ACSM3: variants seen among roughly 807,000 people sequenced by gnomAD.
ACSM3 encodes the protein acyl-coenzyme A synthetase ACSM3, mitochondrial.
A neutral mutation model predicts 74.1 loss-of-function variants in ACSM3; 61 were observed. The observed-to-expected ratio is 0.82, with a 90% CI of 0.67 to 1.02. The LOEUF (loss-of-function observed/expected upper bound fraction) is 1.02, where lower values mean the gene tolerates loss of function less well. Among genes scored for constraint, ACSM3 ranks in the 50% least tolerant of loss-of-function variants. The probability of loss-of-function intolerance (pLI) is 0.00; values close to 1 mark genes in which losing one functional copy is unlikely to be tolerated. For missense variants in ACSM3, 660 were observed against 697.0 expected, an observed-to-expected ratio of 0.95 and a Z score of 0.60; for synonymous variants, 213 against 241.5, an observed-to-expected ratio of 0.88 and a Z score of 1.09.
chr16:20,685,522 A>G, intron 1 of ACSM3: 1 of 925,538 alleles, frequency 1.1e-6, no homozygotes, highest in South Asian at 1.5e-5. Context: ...CTGAGATCCC[A>G]TTTTAAAACA....
At chr16:20,740,883 T>G (rs11863679) in intron 1 of ACSM3, among the ~76,000 whole-genome samples, 7,321 of 152,274 alleles carry the variant, frequency 0.048, 593 homozygotes, top group African/African-American at 0.17. Flanking sequence ...GGTAAACACA[T>G]TATTACTCCA....
chr16:20,715,142 C>A (rs1043602492), intron 1 of ACSM3, among the ~76,000 whole-genome samples: 2 of 152,154 alleles, frequency 1.3e-5, no homozygotes, highest in African/African-American at 4.8e-5. Flanking sequence ...GTATCAGATT[C>A]TGTGAAGAAA....
At chr16:20,794,964 G>A (rs2080689218) in intron 12 of ACSM3, among the ~76,000 whole-genome samples, 1 of 152,174 alleles carries the variant, frequency 6.6e-6, no homozygotes, top group Non-Finnish European at 1.5e-5. Context: ...ATGTGAACCA[G>A]TATTGCAGTT....
chr16:20,711,651 C>A, intron 1 of ACSM3: 1 of 755,234 alleles, frequency 1.3e-6, no homozygotes, highest in Non-Finnish European at 2.2e-6. Context: ...AAAGCCGGAA[C>A]AGGTGGCTCA....
chr16:20,701,858 C>T (rs1050845016), intron 1 of ACSM3, among the ~76,000 whole-genome samples: 1 of 152,194 alleles, frequency 6.6e-6, no homozygotes, highest in South Asian at 2.1e-4. Flanking sequence ...CATGTCCCTG[C>T]AAAGGACATG....
At chr16:20,699,328 G>A (rs1009539879) in intron 1 of ACSM3, among the ~76,000 whole-genome samples, 3 of 152,108 alleles carry the variant, frequency 2.0e-5, no homozygotes, top group Non-Finnish European at 2.9e-5. Flanking sequence ...TAGAGAATGA[G>A]GGATCTCCAG....
At chr16:20,715,736 C>T (rs375879001) in intron 1 of ACSM3, among the ~76,000 whole-genome samples, 1 of 152,180 alleles carries the variant, frequency 6.6e-6, no homozygotes, top group African/African-American at 2.4e-5. Flanking sequence ...ATTAAGACTA[C>T]GATACACCAG....
chr16:20,680,275 T>C (rs1323059491), intron 1 of ACSM3: 1 of 152,154 alleles, frequency 6.6e-6, no homozygotes, highest in African/African-American at 2.4e-5. Flanking sequence ...GCCTTGGAGT[T>C]CCACTACTAA....
At chr16:20,786,306 G>T (rs2080474342) in intron 9 of ACSM3, 148 bp downstream of exon 9, 2 of 1,377,114 alleles carry the variant, frequency 1.5e-6, no homozygotes, top group African/African-American at 1.5e-5. Context: ...ATGTGAAAAT[G>T]ATTAGAAATG....
intron 3 of ACSM3, among the ~76,000 whole-genome samples, chr16:20,758,511 T>A (rs1199586079): frequency 6.6e-6 from 1 of 152,140 alleles, no homozygotes; most frequent in Non-Finnish European, 1.5e-5. Context: ...TGTGTCTATT[T>A]GATTCTTCTC....
rs1460495243 is a variant in ACSM3, at chr16:20,741,357, C to A, written c.-189-8553C>A. 2.4e-5 allele frequency: 23 copies of A among 957,256 alleles called. No individual in the cohort carries two copies. The East Asian group carries it at 5.8e-4, about 24-fold the overall frequency. 59.3% of individuals were successfully genotyped at this position (957,256 alleles called of 1,614,324 possible). A position where few individuals can be genotyped will look rare whatever the true frequency, so the allele number is the denominator to read the frequency against. On this transcript the variant is annotated intron_variant, in intron 1 of 3. Coordinates refer to the ACSM3 transcript ENST00000561584. ...ACCGAAGTCTGCGAGCGTCTCAGGACTAGGGACGGAAACGCCGGCGAGGCC... is the reference window on the plus strand; with the variant it reads ...ACCGAAGTCTGCGAGCGTCTCAGGAATAGGGACGGAAACGCCGGCGAGGCC...
chr16:20,776,721 T>A (rs1362608511), intron 3 of ACSM3, among the ~76,000 whole-genome samples: 1 of 152,228 alleles, frequency 6.6e-6, no homozygotes. Flanking sequence ...AGAGGTGAAG[T>A]GGCTTGTCCC....
chr16:20,717,659 AG>A (rs1302085876), intron 1 of ACSM3, among the ~76,000 whole-genome samples: 62 of 152,178 alleles, frequency 4.1e-4, no homozygotes, highest in Non-Finnish European at 1.5e-4. Flanking sequence ...CAATTTACAA[AG>A]ATTCCATGCT....
intron 12 of ACSM3, among the ~76,000 whole-genome samples, chr16:20,793,280 T>G (rs1596541401): frequency 6.6e-6 from 1 of 151,794 alleles, no homozygotes; most frequent in Non-Finnish European, 1.5e-5. Context: ...ACAAGCCTGG[T>G]CAACATGGTG....
Position 20,777,621 on chromosome 16 carries a change from A to G in ACSM3, c.638+41A>G. 3 of 1,532,506 alleles carry G rather than the reference A, an allele frequency of 2.0e-6. No individual in the cohort carries two copies. The East Asian group carries it at 6.8e-5, about 35-fold the overall frequency. The allele number at this position is 1,532,506 out of a possible 1,614,324, so 94.9% of individuals were successfully genotyped here. On this transcript the variant is annotated intron_variant, in intron 4 of 13. Transcript: ENST00000289416. ...TGTTGTAAAACAGCTTCCCAAAAGG[A>G]AAGGCAACAATAAAAAGATATTAAA... is the stretch of plus-strand genomic sequence containing the variant.
intron 8 of ACSM3, 78 bp from the exon 9 acceptor site, chr16:20,786,000 T>C: frequency 1.0e-6 from 1 of 964,232 alleles, no homozygotes; most frequent in Non-Finnish European, 1.5e-6. Flanking sequence ...ATAAATAATT[T>C]GTTGAATGAA....
intron 3 of ACSM3, among the ~76,000 whole-genome samples, chr16:20,756,075 A>G (rs897920292): frequency 1.8e-4 from 27 of 152,114 alleles, no homozygotes; most frequent in African/African-American, 5.3e-4. Flanking sequence ...GCTATTGTGA[A>G]TAGTGCCGCA....
chr16:20,765,673 G>A (rs1429325130), intron 1 of ACSM3, among the ~76,000 whole-genome samples: 1 of 152,174 alleles, frequency 6.6e-6, no homozygotes, highest in Non-Finnish European at 1.5e-5. Flanking sequence ...TCAGCATTTA[G>A]TACAGGTCTG....
At chr16:20,773,534 A>G (rs1054886547) in intron 2 of ACSM3, among the ~76,000 whole-genome samples, 5 of 151,920 alleles carry the variant, frequency 3.3e-5, no homozygotes, top group Non-Finnish European at 5.9e-5. Context: ...GCTTTATTTC[A>G]TTGATTTTGA....
Sources: gnomAD v4.1 joint callset for allele counts (sites outside exome capture counted in the v4.1 genomes callset) on GRCh38, gnomAD v4.1.1 for gene constraint, MANE v1.5 for transcripts, NCBI Gene and HGNC (gene_info 2026-07-23, HGNC 2026-07-21) for gene names.